The following ABHD3 variants were observed in gnomAD, a reference collection of about 807,000 sequenced individuals.
ABHD3 encodes the protein abhydrolase domain containing 3, phospholipase.
ABHD3 carries 46 observed loss-of-function variants against 48.8 expected under a neutral mutation model. That is an observed-to-expected ratio of 0.94 (90% confidence interval 0.74 to 1.20). The LOEUF is 1.20. ABHD3 is among the 50% of genes most tolerant of loss of function. ABHD3 has a pLI of 0.00. For synonymous variants in ABHD3, 192 were observed against 183.7 expected, an observed-to-expected ratio of 1.04 and a Z score of -0.36; for missense variants, 490 against 497.8, an observed-to-expected ratio of 0.98 and a Z score of 0.15.
chr18:21,669,216 T>C (rs1317969721), intron 4 of ABHD3, among the ~76,000 whole-genome samples: 1 of 151,948 alleles, frequency 6.6e-6, no homozygotes, highest in East Asian at 1.9e-4. Context: ...TCAAAATGAG[T>C]AAATAAACTA....
intron 5 of ABHD3, chr18:21,663,707 C>T: frequency 6.5e-7 from 1 of 1,535,576 alleles, no homozygotes; most frequent in African/African-American, 1.4e-5. Flanking sequence ...AAGGCCACTG[C>T]AGCTGGAGAG....
intron 3 of ABHD3, among the ~76,000 whole-genome samples, chr18:21,696,372 C>G (rs1197452905): frequency 6.6e-6 from 1 of 152,040 alleles, no homozygotes; most frequent in Non-Finnish European, 1.5e-5. Flanking sequence ...GATGGTCTCA[C>G]TCTCCTAACC....
intron 8 of ABHD3, among the ~76,000 whole-genome samples, chr18:21,653,281 C>T (rs752177858): frequency 5.3e-5 from 8 of 151,498 alleles, no homozygotes; most frequent in Admixed American, 1.3e-4. Flanking sequence ...AGTGAACTAT[C>T]GCACCACTGC....
At chr18:21,693,941 C>T (rs918982253) in intron 3 of ABHD3, among the ~76,000 whole-genome samples, 2 of 152,062 alleles carry the variant, frequency 1.3e-5, no homozygotes, top group Non-Finnish European at 2.9e-5. Flanking sequence ...CTCATCTCTC[C>T]TCCCTCAGGA....
rs36011228 is a variant in ABHD3, at chr18:21,689,549, CAAAAAAA to C, written c.510-5591_510-5585del. On this transcript the variant is annotated intron_variant, in intron 3 of 8. Transcript: ENST00000289119. ...GGGCAACAAGGGTGAAATCTGGTCT[CAAAAAAA>C]AAAAAAAAAAAAAAAAAAGGGAAAT... Among the ~76,000 whole-genome samples, 18 of 41,808 alleles carry C rather than the reference CAAAAAAA, an allele frequency of 4.3e-4. No homozygotes were observed. The South Asian group carries it at 0.01, about 24-fold the overall frequency. The allele number at this position is 41,808 out of a possible 152,430, so 27.4% of individuals were successfully genotyped here.
At chr18:21,702,177 G>A (rs977597816) in intron 3 of ABHD3, 139 bp downstream of exon 3, 4 of 732,542 alleles carry the variant, frequency 5.5e-6, no homozygotes, top group African/African-American at 3.6e-5. Context: ...AGGAAAAAAA[G>A]AATGCAGAGA....
chr18:21,652,717 G>A (rs2146274243), intron 8 of ABHD3, among the ~76,000 whole-genome samples: 1 of 150,306 alleles, frequency 6.7e-6, no homozygotes, highest in East Asian at 2.0e-4. Flanking sequence ...GGAGATTGCA[G>A]TGAGCCGAGA....
chr18:21,687,025 C>T (rs1183485298), intron 3 of ABHD3, among the ~76,000 whole-genome samples: 1 of 152,066 alleles, frequency 6.6e-6, no homozygotes, highest in Non-Finnish European at 1.5e-5. Flanking sequence ...ATGTGATTCT[C>T]AGCCTCCCGA....
Position 21,704,688 on chromosome 18 carries a change from G to T in ABHD3, c.-23C>A. ...CATGGCCCCCGAGCGCGGCGCGCGG[G>T]TCCTGCGGCGGGAGGAGAGCCGGCT... On this transcript the variant is annotated 5_prime_UTR_variant, in exon 1 of 9. Transcript: ENST00000289119. 7.0e-7 allele frequency: 1 copy of T among 1,428,280 alleles called. No homozygotes were observed. Among genetic ancestry groups the T allele is most frequent in the Non-Finnish European group, 9.1e-7 (1 of 1,093,200 alleles). The allele number at this position is 1,428,280 out of a possible 1,614,324, so 88.5% of individuals were successfully genotyped here. A position where few individuals can be genotyped will look rare whatever the true frequency, so the allele number is the denominator to read the frequency against.
intron 4 of ABHD3, among the ~76,000 whole-genome samples, chr18:21,666,728 G>A (rs2039640066): frequency 6.6e-6 from 1 of 152,154 alleles, no homozygotes; most frequent in Non-Finnish European, 1.5e-5. Flanking sequence ...AGTTGACCAT[G>A]CTTCAATATA....
At chr18:21,685,994 G>A (rs1229645934) in intron 3 of ABHD3, among the ~76,000 whole-genome samples, 4 of 152,254 alleles carry the variant, frequency 2.6e-5, no homozygotes, top group Admixed American at 6.5e-5. Context: ...CACCGTGCCC[G>A]GCCAGCCTGG....
chr18:21,664,145 A>G lies in ABHD3; in HGVS notation c.641T>C (p.Phe214Ser). Reference protein sequence around the residue: ...HVHSLYPSAPFLAAGVSMGGM... With the variant: ...HVHSLYPSAPSLAAGVSMGGM... ...TCCCATTGAAACCCCTGCTGCCAGGAAAGGAGCAGAAGGGTACAGGCTGTG... is the reference window on the plus strand; with the variant it reads ...TCCCATTGAAACCCCTGCTGCCAGGGAAGGAGCAGAAGGGTACAGGCTGTG... The change falls in exon 5 of 9, where the codon TTC becomes TCC. Residue 214 changes from phenylalanine to serine, a missense_variant. Phe to Ser is a radical substitution (Grantham distance 155, BLOSUM62 -2). Coordinates refer to ENST00000289119, the MANE Select transcript of ABHD3 (RefSeq NM_138340.5). 6.2e-7 allele frequency: 1 copy of G among 1,612,818 alleles called. No homozygotes were observed. The highest frequency in any genetic ancestry group is 8.5e-7 in the Non-Finnish European group (1 of 1,179,800).
At chr18:21,693,007 T>C (rs962042307) in intron 3 of ABHD3, among the ~76,000 whole-genome samples, 1 of 152,206 alleles carries the variant, frequency 6.6e-6, no homozygotes, top group Non-Finnish European at 1.5e-5. Context: ...CACTCTACCT[T>C]AGCAAGACAT....
At chr18:21,654,854 T>C (rs569039017) in intron 8 of ABHD3, 3 of 152,296 alleles carry the variant, frequency 2.0e-5, no homozygotes, top group East Asian at 1.9e-4. Flanking sequence ...TGGGAAAGAA[T>C]AGGAAATAAT....
chr18:21,658,614 C>T (rs1487006405), intron 6 of ABHD3, among the ~76,000 whole-genome samples: 2 of 152,134 alleles, frequency 1.3e-5, no homozygotes, highest in Non-Finnish European at 2.9e-5. Flanking sequence ...ACAAGACAAT[C>T]CACTGGGGTT....
rs1568167585 is a variant in ABHD3 at position 21,702,321 on chromosome 18, T to G, written c.504A>C (p.Gly168=). The G allele has an allele frequency of 6.3e-7, 1 of 1,587,074 alleles. No individual in the cohort carries two copies. The highest frequency in any genetic ancestry group is 8.6e-7 in the Non-Finnish European group (1 of 1,164,220). The change falls in exon 3 of 9, where the codon GGA becomes GGC. Residue 168 remains glycine, a synonymous_variant. Transcript: ENST00000289119. ...LHMIHLSEEL[G]YRCVVFNNRG... is the part of the protein sequence containing the mutation. ...AAGAAATCTTTTACTGGTACCTGTATCCTAATTCTTCACTAAGATGGATCA... is the reference window on the plus strand; with the variant it reads ...AAGAAATCTTTTACTGGTACCTGTAGCCTAATTCTTCACTAAGATGGATCA...
At chr18:21,698,020 C>T (rs1047779155) in intron 3 of ABHD3, among the ~76,000 whole-genome samples, 1 of 151,984 alleles carries the variant, frequency 6.6e-6, no homozygotes, top group African/African-American at 2.4e-5. Flanking sequence ...GTAACTGGGA[C>T]AGGATGGCAA....
At chr18:21,668,231 G>GA (rs2039682629) in intron 4 of ABHD3, among the ~76,000 whole-genome samples, 2 of 117,896 alleles carry the variant, frequency 1.7e-5, no homozygotes, top group Admixed American at 8.4e-5. Flanking sequence ...GAAAGAAAAA[G>GA]AAAAGAAAAT....
chr18:21,674,661 C>G (rs1230003725), intron 4 of ABHD3, among the ~76,000 whole-genome samples: 1 of 152,152 alleles, frequency 6.6e-6, no homozygotes, highest in Non-Finnish European at 1.5e-5. Context: ...GACCAGCCTT[C>G]CTGGGTTGTT....
Sources: allele counts gnomAD v4.1 joint callset (sites outside exome capture counted in the v4.1 genomes callset), GRCh38; gene constraint gnomAD v4.1.1; transcripts MANE v1.5; gene names NCBI Gene and HGNC (gene_info 2026-07-23, HGNC 2026-07-21).